ST3GAL1: variants seen among roughly 807,000 people sequenced by gnomAD.
ST3GAL1 encodes ST3 beta-galactoside alpha-2,3-sialyltransferase 1, also known as CMP-N-acetylneuraminate-beta-galactosamide-alpha-2,3-sialyltransferase 1.
In ST3GAL1, 16 loss-of-function variants were observed where a neutral mutation model predicts 34.1. That is an observed-to-expected ratio of 0.47 (90% confidence interval 0.32 to 0.71). The LOEUF is 0.71. Among genes scored for constraint, ST3GAL1 ranks in the 30% least tolerant of loss-of-function variants. The probability of loss-of-function intolerance (pLI) is 0.04; values close to 1 mark genes in which losing one functional copy is unlikely to be tolerated. For missense variants in ST3GAL1, 353 were observed against 447.4 expected, an observed-to-expected ratio of 0.79 and a Z score of 1.90; for synonymous variants, 191 against 184.7, an observed-to-expected ratio of 1.03 and a Z score of -0.28.
chr8:133,460,215 G>A (rs374941222), intron 9 of ST3GAL1, among the ~76,000 whole-genome samples: 1 of 152,150 alleles, frequency 6.6e-6, no homozygotes, highest in Non-Finnish European at 1.5e-5. Context: ...TCTTACCTCT[G>A]CAGCAAGTGC....
intron 3 of ST3GAL1, among the ~76,000 whole-genome samples, chr8:133,486,997 G>A (rs1319870663): frequency 2.0e-5 from 3 of 152,230 alleles, no homozygotes; most frequent in Admixed American, 6.5e-5. Flanking sequence ...AGGCTGGAGT[G>A]CAGTGGTGTC....
intron 8 of ST3GAL1, 74 bp downstream of exon 8, chr8:133,463,340 A>C: frequency 3.2e-6 from 5 of 1,567,874 alleles, no homozygotes; most frequent in Non-Finnish European, 3.5e-6. Context: ...TTGCAACTCA[A>C]TGCCGTACCT....
intron 2 of ST3GAL1, among the ~76,000 whole-genome samples, chr8:133,501,996 G>A (rs752617867): frequency 7.4e-4 from 112 of 152,144 alleles, no homozygotes; most frequent in Non-Finnish European, 7.9e-4. Context: ...CAAACCCTGC[G>A]TGCCTTCTGT....
At chr8:133,538,264 C>T (rs1007096465) in intron 2 of ST3GAL1, among the ~76,000 whole-genome samples, 2 of 152,218 alleles carry the variant, frequency 1.3e-5, no homozygotes, top group Admixed American at 1.3e-4. Context: ...TCTGTAATCC[C>T]ATCACTTTGG....
chr8:133,565,151 C>CTCTGTGTG (rs1554621404), intron 1 of ST3GAL1, among the ~76,000 whole-genome samples: 4 of 139,308 alleles, frequency 2.9e-5, no homozygotes, highest in Non-Finnish European at 4.6e-5. Context: ...CTCTGTGTGC[C>CTCTGTGTG]TGTGTGTGTG....
chr8:133,522,210 G>A (rs1817832458), intron 2 of ST3GAL1, among the ~76,000 whole-genome samples: 1 of 152,124 alleles, frequency 6.6e-6, no homozygotes, highest in South Asian at 2.1e-4. Context: ...AAAGTAGGAA[G>A]CAATATAGAA....
chr8:133,471,000 C>T (rs527662259), intron 5 of ST3GAL1, among the ~76,000 whole-genome samples: 11 of 152,120 alleles, frequency 7.2e-5, no homozygotes, highest in Non-Finnish European at 1.0e-4. Flanking sequence ...GAGGTACCCG[C>T]GCTCCCTTCC....
chr8:133,486,014 G>T (rs1816576849), intron 3 of ST3GAL1, among the ~76,000 whole-genome samples: 2 of 152,218 alleles, frequency 1.3e-5, no homozygotes, highest in Admixed American at 1.3e-4. Flanking sequence ...TGTGTTCTAA[G>T]CACAATACCG....
At chr8:133,527,483 T>A (rs1368896375) in intron 2 of ST3GAL1, among the ~76,000 whole-genome samples, 1 of 152,238 alleles carries the variant, frequency 6.6e-6, no homozygotes, top group East Asian at 1.9e-4. Flanking sequence ...GAGCCTGGAA[T>A]CAGATTGCCA....
chr8:133,521,321 C>T (rs902322403), intron 2 of ST3GAL1, among the ~76,000 whole-genome samples: 13 of 149,022 alleles, frequency 8.7e-5, no homozygotes, highest in Middle Eastern at 3.6e-3. Flanking sequence ...TTTTTTGAGA[C>T]GGAATCTTGC....
In ST3GAL1 at chr8:133,487,913, A is replaced by G. The variant is rs549343701; in HGVS notation, c.-374+11222T>C. On this transcript the variant is annotated intron_variant, in intron 3 of 9. Transcript: ENST00000522652. Reference sequence around the variant, plus strand: ...AACCCGGGAGGCAGAGGTTGCAGTGAGCCGAGATTGCACCACTGCATTCTA... The same window carrying G: ...AACCCGGGAGGCAGAGGTTGCAGTGGGCCGAGATTGCACCACTGCATTCTA... Among the ~76,000 whole-genome samples, 4 of 151,154 alleles carry G rather than the reference A, an allele frequency of 2.6e-5. No homozygotes were observed. The South Asian group carries it at 8.4e-4, about 32-fold the overall frequency.
intron 1 of ST3GAL1, among the ~76,000 whole-genome samples, 161 bp from the exon 2 acceptor site, chr8:133,546,087 G>T (rs1421830456): frequency 6.6e-6 from 1 of 152,172 alleles, no homozygotes; most frequent in Non-Finnish European, 1.5e-5. Context: ...CACCTATTCT[G>T]TTCCCGGCAC....
At position 133,487,467 on chromosome 8, in the gene ST3GAL1, A is replaced by G. The variant is rs138408768; in HGVS notation, c.-373-10867T>C. ...TGGCTAGTGGGGTTGAAAATGAAGA[A>G]GAAATGGCATGTGTGAGTTTCACAC... is the stretch of plus-strand genomic sequence containing the variant. On this transcript the variant is annotated intron_variant, in intron 3 of 9. Transcript: ENST00000522652. 5.6e-4 allele frequency among the ~76,000 whole-genome samples: 86 copies of G among 152,332 alleles called. 1 individual carries two copies. In the East Asian group the frequency reaches 0.014, roughly 26 times the overall value.
chr8:133,472,423 G>A (rs1002047191), intron 5 of ST3GAL1, among the ~76,000 whole-genome samples: 3 of 152,110 alleles, frequency 2.0e-5, no homozygotes, highest in African/African-American at 7.2e-5. Context: ...CCCACAACAC[G>A]TGGGAATTGT....
chr8:133,464,933 C>T lies in ST3GAL1; in HGVS notation c.528G>A (p.Gly176=), dbSNP rs369675921. 12 of 1,613,528 alleles carry T rather than the reference C, an allele frequency of 7.4e-6. No individual in the cohort carries two copies. In the Admixed American group the frequency reaches 1.3e-4, roughly 18 times the overall value. Residue 176 remains glycine, a synonymous_variant, in exon 7 of 10, where the codon GGG becomes GGA. Coordinates refer to ENST00000522652, the MANE Select transcript of ST3GAL1 (RefSeq NM_173344.3). ...VLRMNKAPTA[G]FEADVGTKTT... is the part of the protein sequence containing the mutation. ...TCTTGGTCCCAACATCAGCTTCAAACCCTGCCGTGGGCGCCTTGTTCATCC... is the reference window on the plus strand; with the variant it reads ...TCTTGGTCCCAACATCAGCTTCAAATCCTGCCGTGGGCGCCTTGTTCATCC...
intron 2 of ST3GAL1, among the ~76,000 whole-genome samples, chr8:133,533,993 G>A (rs879400665): frequency 2.0e-5 from 3 of 152,108 alleles, no homozygotes; most frequent in Non-Finnish European, 4.4e-5. Flanking sequence ...ATTGTTTGGG[G>A]CAATTCCAGA....
intron 2 of ST3GAL1, among the ~76,000 whole-genome samples, chr8:133,530,282 T>C (rs1818111286): frequency 1.3e-5 from 1 of 75,640 alleles, no homozygotes; most frequent in African/African-American, 6.3e-5. Flanking sequence ...TTTTCTTTAT[T>C]TTTATTTTTT....
intron 1 of ST3GAL1, among the ~76,000 whole-genome samples, chr8:133,559,662 G>C (rs1554620905): frequency 6.6e-6 from 1 of 152,204 alleles, no homozygotes; most frequent in Non-Finnish European, 1.5e-5. Context: ...GTAAGAAGAA[G>C]AACAACAAAC....
At chr8:133,515,607 C>T (rs1158358919) in intron 2 of ST3GAL1, 2 of 152,256 alleles carry the variant, frequency 1.3e-5, no homozygotes, top group South Asian at 4.1e-4. Context: ...ATGGAGAAAT[C>T]TTCTTACTAT....
Sources: gnomAD v4.1 joint callset for allele counts (sites outside exome capture counted in the v4.1 genomes callset) on GRCh38, gnomAD v4.1.1 for gene constraint, MANE v1.5 for transcripts, NCBI Gene and HGNC (gene_info 2026-07-23, HGNC 2026-07-21) for gene names.